MGAT4C: variants seen among roughly 807,000 people sequenced by gnomAD.
MGAT4C encodes MGAT4 family member C, also known as alpha-1,3-mannosyl-glycoprotein 4-beta-N-acetylglucosaminyltransferase C.
In MGAT4C, 19 loss-of-function variants were observed where a neutral mutation model predicts 40.1. The observed-to-expected ratio is 0.47, with a 90% CI of 0.33 to 0.70. The LOEUF (loss-of-function observed/expected upper bound fraction) is 0.70. Among genes scored for constraint, MGAT4C ranks in the 30% least tolerant of loss-of-function variants. MGAT4C has a pLI of 0.02. For synonymous variants in MGAT4C, 181 were observed against 187.1 expected, an observed-to-expected ratio of 0.97 and a Z score of 0.27; for missense variants, 491 against 563.2, an observed-to-expected ratio of 0.87 and a Z score of 1.30.
At chr12:86,348,623 C>T (rs1236616073) in intron 3 of MGAT4C, among the ~76,000 whole-genome samples, 1 of 152,098 alleles carries the variant, frequency 6.6e-6, no homozygotes, top group African/African-American at 2.4e-5. Context: ...TTCAGAATTT[C>T]GAAGGCCTTG....
At chr12:86,467,396 C>T (rs569740498) in intron 2 of MGAT4C, among the ~76,000 whole-genome samples, 2 of 152,132 alleles carry the variant, frequency 1.3e-5, no homozygotes, top group African/African-American at 4.8e-5. Context: ...GGAGTAGGTC[C>T]ACGTTAGCAT....
At chr12:86,802,208 C>A (rs534487396) in intron 1 of MGAT4C, among the ~76,000 whole-genome samples, 39 of 151,948 alleles carry the variant, frequency 2.6e-4, no homozygotes, top group Admixed American at 5.3e-4. Context: ...CTTAAACTTG[C>A]CAGCTTTTTG....
At chr12:86,011,768 C>T (rs1254051022) in intron 2 of MGAT4C, 2 of 879,666 alleles carry the variant, frequency 2.3e-6, no homozygotes, top group African/African-American at 3.6e-5. Context: ...TAGGAATAAA[C>T]ACTATATTGA....
chr12:86,833,713 A>G (rs773599986), intron 1 of MGAT4C, among the ~76,000 whole-genome samples: 8 of 151,914 alleles, frequency 5.3e-5, no homozygotes, highest in Non-Finnish European at 1.2e-4. Flanking sequence ...AATATATGAA[A>G]TTTAGGGAGA....
chr12:86,499,279 A>G (rs1958294540), intron 2 of MGAT4C, among the ~76,000 whole-genome samples: 1 of 151,578 alleles, frequency 6.6e-6, no homozygotes, highest in South Asian at 2.1e-4. Context: ...GTGTGTGTGT[A>G]TGTATATATA....
At chr12:86,546,205 T>C (rs1409340700) in intron 2 of MGAT4C, among the ~76,000 whole-genome samples, 3 of 152,058 alleles carry the variant, frequency 2.0e-5, no homozygotes, top group Non-Finnish European at 2.9e-5. Flanking sequence ...TTCTTTCATA[T>C]TGTAGTATCA....
At chr12:86,725,875 C>T (rs1950814066) in intron 2 of MGAT4C, among the ~76,000 whole-genome samples, 1 of 151,946 alleles carries the variant, frequency 6.6e-6, no homozygotes, top group South Asian at 2.1e-4. Flanking sequence ...TCTGGCTTTT[C>T]AAACAACCTT....
chr12:86,776,343 T>C (rs1951748463), intron 1 of MGAT4C, among the ~76,000 whole-genome samples: 2 of 152,204 alleles, frequency 1.3e-5, no homozygotes, highest in African/African-American at 4.8e-5. Flanking sequence ...AACTTAAAGA[T>C]GAATTAGAAC....
chr12:86,289,255 C>T (rs917830526), intron 4 of MGAT4C, among the ~76,000 whole-genome samples: 4 of 149,680 alleles, frequency 2.7e-5, no homozygotes, highest in African/African-American at 9.9e-5. Context: ...TATTCTGTTC[C>T]ACTAGTCTAC....
chr12:86,211,557 G>C (rs1191890450), intron 1 of MGAT4C, among the ~76,000 whole-genome samples: 1 of 151,552 alleles, frequency 6.6e-6, no homozygotes, highest in Non-Finnish European at 1.5e-5. Flanking sequence ...ACTGTGCTGC[G>C]GGCTGGGTGA....
rs559749336 is a variant in MGAT4C, at chr12:86,326,767, C to T, written c.-57+7298G>A. ...ATTTTCTATTTCATACAAAATAAAACAGTGTGAACAATCAGAAATGAAAGC... is the reference window on the plus strand; with the variant it reads ...ATTTTCTATTTCATACAAAATAAAATAGTGTGAACAATCAGAAATGAAAGC... On this transcript the variant is annotated intron_variant, in intron 4 of 7. Transcript: ENST00000548651. 8.5e-5 allele frequency among the ~76,000 whole-genome samples: 13 copies of T among 152,126 alleles called. No individual in the cohort carries two copies. The South Asian group carries it at 2.5e-3, about 29-fold the overall frequency.
intron 2 of MGAT4C, among the ~76,000 whole-genome samples, chr12:86,721,212 G>A (rs1950730634): frequency 6.6e-6 from 1 of 152,104 alleles, no homozygotes; most frequent in Admixed American, 6.6e-5. Flanking sequence ...ACCATGTGTG[G>A]ATCTAGCAGG....
chr12:86,512,813 A>G (rs1958615259), intron 2 of MGAT4C, among the ~76,000 whole-genome samples: 1 of 152,062 alleles, frequency 6.6e-6, no homozygotes, highest in South Asian at 2.1e-4. Flanking sequence ...CAATGGATAG[A>G]AAGTTTCAGT....
intron 1 of MGAT4C, among the ~76,000 whole-genome samples, chr12:86,065,723 G>C (rs552860570): frequency 6.6e-6 from 1 of 152,218 alleles, no homozygotes; most frequent in Non-Finnish European, 1.5e-5. Flanking sequence ...AATCAGGCAA[G>C]AGAAAGAAAT....
chr12:86,296,806 G>A (rs1001973069), intron 4 of MGAT4C, among the ~76,000 whole-genome samples: 4 of 152,200 alleles, frequency 2.6e-5, no homozygotes, highest in Non-Finnish European at 5.9e-5. Context: ...TGAGGGAGCC[G>A]GTTCTGGCCT....
At chr12:86,194,453 TC>T (rs1023845810) in intron 1 of MGAT4C, among the ~76,000 whole-genome samples, 6 of 148,152 alleles carry the variant, frequency 4.0e-5, no homozygotes, top group Admixed American at 6.7e-5. Context: ...TAGGAGCAAA[TC>T]AATTTTTTTT....
At chr12:86,111,763 G>A (rs554269752) in intron 1 of MGAT4C, among the ~76,000 whole-genome samples, 10 of 151,810 alleles carry the variant, frequency 6.6e-5, no homozygotes, top group African/African-American at 2.2e-4. Context: ...CAAGGGGACC[G>A]CACTTACTTT....
rs376975430 is a variant in MGAT4C, at chr12:86,406,190, G to A, written c.-120+28967C>T. Among the ~76,000 whole-genome samples the A allele has an allele frequency of 6.6e-5, 10 of 150,854 alleles. No homozygotes were observed. In the East Asian group the frequency reaches 1.8e-3, roughly 26 times the overall value. On this transcript the variant is annotated intron_variant, in intron 3 of 7. Coordinates refer to the MGAT4C transcript ENST00000548651. The stretch of plus-strand genomic sequence containing the variant: ...TAAAAATATTTAGCATCTAGAGCTA[G>A]TCAAAAAGTGCTTAGATGACAACAA...
At chr12:86,515,738 CTTT>C (rs940550644) in intron 2 of MGAT4C, among the ~76,000 whole-genome samples, 4 of 133,448 alleles carry the variant, frequency 3.0e-5, no homozygotes, top group Non-Finnish European at 3.2e-5. Context: ...TAAAGCAATT[CTTT>C]TTTTTTTTTT....
Sources: allele counts gnomAD v4.1 joint callset (sites outside exome capture counted in the v4.1 genomes callset), GRCh38; gene constraint gnomAD v4.1.1; transcripts MANE v1.5; gene names NCBI Gene and HGNC (gene_info 2026-07-23, HGNC 2026-07-21).